Variants in CYP19A1 observed in about 807,000 individuals in gnomAD.
CYP19A1 encodes the protein cytochrome P450 family 19 subfamily A member 1.
Under a neutral mutation model 44.4 loss-of-function variants are expected in CYP19A1, and 32 were observed. That is an observed-to-expected ratio of 0.72 (90% CI 0.54 to 0.97). CYP19A1 has a LOEUF of 0.97. CYP19A1 is among the 50% of genes least tolerant of loss of function. CYP19A1 has a pLI of 0.00. For synonymous variants in CYP19A1, 212 were observed against 215.6 expected (o/e 0.98, Z 0.14); for missense variants, 598 against 637.8 (o/e 0.94, Z 0.67).
At position 51,333,839 on chromosome 15, in the gene CYP19A1, A is replaced by C. The variant is rs967976108; in HGVS notation, c.-39+4656T>G. Reference sequence around the variant, plus strand: ...CCCAACCAGTCTCTCTGGAGAGGTGAGGCATATCTATTCTAGCTTGTTACT... The same window carrying C: ...CCCAACCAGTCTCTCTGGAGAGGTGCGGCATATCTATTCTAGCTTGTTACT... On this transcript the variant is annotated intron_variant, in intron 1 of 9. Transcript: ENST00000396402. 3.9e-5 allele frequency among the ~76,000 whole-genome samples: 6 copies of C among 152,266 alleles called. No homozygotes were observed. In the East Asian group the frequency reaches 1.2e-3, roughly 29 times the overall value.
chr15:51,295,638 G>T (rs924234584), intron 1 of CYP19A1, among the ~76,000 whole-genome samples: 3 of 152,192 alleles, frequency 2.0e-5, no homozygotes, highest in Non-Finnish European at 4.4e-5. Flanking sequence ...GGAAAAATCA[G>T]TTGAATGGAA....
chr15:51,249,941 A>G (rs1319976485), intron 1 of CYP19A1, among the ~76,000 whole-genome samples: 1 of 152,204 alleles, frequency 6.6e-6, no homozygotes, highest in African/African-American at 2.4e-5. Context: ...GCAAGCTTCC[A>G]GTGATTCCCT....
intron 3 of CYP19A1, among the ~76,000 whole-genome samples, chr15:51,235,526 G>C (rs1048930449): frequency 2.0e-5 from 3 of 152,198 alleles, no homozygotes; most frequent in African/African-American, 7.2e-5. Context: ...GTCTGCCTCA[G>C]CTACTCTTAA....
chr15:51,218,164 C>T (rs2031747737), intron 6 of CYP19A1, among the ~76,000 whole-genome samples: 1 of 152,162 alleles, frequency 6.6e-6, no homozygotes, highest in South Asian at 2.1e-4. Flanking sequence ...AACAACACAA[C>T]TATAAATTGA....
At chr15:51,314,364 A>C (rs773928702) in intron 1 of CYP19A1, among the ~76,000 whole-genome samples, 1 of 152,082 alleles carries the variant, frequency 6.6e-6, no homozygotes, top group Non-Finnish European at 1.5e-5. Flanking sequence ...TCATGGTGGA[A>C]GCCAGTATCT....
intron 2 of CYP19A1, among the ~76,000 whole-genome samples, chr15:51,238,576 C>G (rs893440831): frequency 6.6e-6 from 1 of 152,158 alleles, no homozygotes; most frequent in Admixed American, 6.5e-5. Context: ...GCAGCCTCCA[C>G]CTCCCGGGTT....
At chr15:51,277,973 T>C (rs912700247) in intron 1 of CYP19A1, 7 of 150,362 alleles carry the variant, frequency 4.7e-5, no homozygotes, top group African/African-American at 1.7e-4. Context: ...TTTTTTTTTT[T>C]TTTCCCCAGG....
intron 1 of CYP19A1, among the ~76,000 whole-genome samples, chr15:51,335,558 T>A (rs986150554): frequency 2.0e-5 from 3 of 152,210 alleles, no homozygotes; most frequent in African/African-American, 7.2e-5. Context: ...ACTACCTTTT[T>A]ACATACAGAT....
At chr15:51,234,794 C>G (rs752422358) in intron 3 of CYP19A1, among the ~76,000 whole-genome samples, 3 of 152,126 alleles carry the variant, frequency 2.0e-5, no homozygotes, top group Non-Finnish European at 4.4e-5. Flanking sequence ...AGTCCTACCC[C>G]CAGAGGTTCT....
In CYP19A1 at chr15:51,254,302, A is replaced by T. The variant is rs910275450; in HGVS notation, c.-38-11352T>A. Among the ~76,000 whole-genome samples the T allele has an allele frequency of 3.9e-5, 6 of 152,352 alleles. 1 individual carries two copies. The South Asian group carries it at 1.2e-3, about 32-fold the overall frequency. On this transcript the variant is annotated intron_variant, in intron 1 of 9. Coordinates refer to ENST00000396402, the MANE Select transcript of CYP19A1 (RefSeq NM_000103.4). Reference sequence around the variant, plus strand: ...TTTAACTTACGTCTCATAGTCGACAAGAACTAGGTTTGATTATCCATCTTT... The same window carrying T: ...TTTAACTTACGTCTCATAGTCGACATGAACTAGGTTTGATTATCCATCTTT...
At chr15:51,234,141 C>A (rs930357157) in intron 3 of CYP19A1, among the ~76,000 whole-genome samples, 2 of 152,152 alleles carry the variant, frequency 1.3e-5, no homozygotes, top group African/African-American at 2.4e-5. Context: ...CCAATGGGGT[C>A]TTTTCAAGAG....
chr15:51,300,347 G>A (rs917770878), intron 1 of CYP19A1, among the ~76,000 whole-genome samples: 7 of 152,166 alleles, frequency 4.6e-5, no homozygotes, highest in Admixed American at 2.0e-4. Flanking sequence ...TACAACTCAC[G>A]AGAGGGCCGC....
chr15:51,238,623 G>A (rs2033556173), intron 2 of CYP19A1, among the ~76,000 whole-genome samples: 1 of 152,096 alleles, frequency 6.6e-6, no homozygotes. Context: ...CGAGTAGCTG[G>A]GATTACAGGC....
chr15:51,279,332 G>A (rs1309114862), intron 1 of CYP19A1, among the ~76,000 whole-genome samples: 1 of 152,208 alleles, frequency 6.6e-6, no homozygotes, highest in Non-Finnish European at 1.5e-5. Context: ...GCAAGGTGAG[G>A]CCTGGGGGCT....
At chr15:51,298,020 G>GA in intron 1 of CYP19A1, among the ~76,000 whole-genome samples, 1 of 152,238 alleles carries the variant, frequency 6.6e-6, no homozygotes, top group South Asian at 2.1e-4. Context: ...GCTGGGTGTT[G>GA]AAGCAGGAGT....
At chr15:51,220,419 G>T (rs1295253270) in intron 5 of CYP19A1, among the ~76,000 whole-genome samples, 1 of 152,132 alleles carries the variant, frequency 6.6e-6, no homozygotes, top group African/African-American at 2.4e-5. Flanking sequence ...TATCTGTCTT[G>T]CTTACTGTTA....
At chr15:51,242,045 A>G (rs1027616221) in intron 2 of CYP19A1, 9 of 153,918 alleles carry the variant, frequency 5.8e-5, no homozygotes, top group African/African-American at 2.2e-4. Flanking sequence ...TTAATCTGAT[A>G]TCTGATCATT....
Position 51,330,031 on chromosome 15 carries a change from A to G in CYP19A1, c.-39+8464T>C, listed in dbSNP as rs1178125809. On this transcript the variant is annotated intron_variant, in intron 1 of 9. Transcript: ENST00000396402. ...TTTTAAAGAATAAAGTCAGCCAGTC[A>G]GAGAAGGGGAGAAGAGGAAAACAGG... Among the ~76,000 whole-genome samples the G allele has an allele frequency of 2.0e-5, 3 of 152,326 alleles. No homozygotes were observed. In the East Asian group the frequency reaches 5.8e-4, roughly 29 times the overall value.
chr15:51,243,926 A>G (rs2033932174), intron 1 of CYP19A1, among the ~76,000 whole-genome samples: 1 of 152,244 alleles, frequency 6.6e-6, no homozygotes, highest in Non-Finnish European at 1.5e-5. Context: ...GAAGAGGTGT[A>G]GGTTGAACAA....
Sources: gnomAD v4.1 joint callset for allele counts (sites outside exome capture counted in the v4.1 genomes callset) on GRCh38, gnomAD v4.1.1 for gene constraint, MANE v1.5 for transcripts, NCBI Gene and HGNC (gene_info 2026-07-23, HGNC 2026-07-21) for gene names.